The following LAMA2 variants were observed in gnomAD, a reference collection of about 807,000 sequenced individuals.
LAMA2 encodes the protein laminin subunit alpha 2.
Under a neutral mutation model 364.8 loss-of-function variants are expected in LAMA2, and 269 were observed. That is an observed-to-expected ratio of 0.74 (90% CI 0.67 to 0.82). The LOEUF (loss-of-function observed/expected upper bound fraction) is 0.82. Among genes scored for constraint, LAMA2 ranks in the 40% least tolerant of loss-of-function variants. The pLI is 0.00. For missense variants in LAMA2, 3,807 were observed against 3,873.2 expected, an observed-to-expected ratio of 0.98 and a Z score of 0.45; for synonymous variants, 1,379 against 1,370.6, an observed-to-expected ratio of 1.01 and a Z score of -0.14.
At chr6:129,151,107 GTTACTAGCCATA>G (rs891868861) in intron 7 of LAMA2, among the ~76,000 whole-genome samples, 1 of 152,168 alleles carries the variant, frequency 6.6e-6, no homozygotes, top group African/African-American at 2.4e-5. Context: ...TTTGTGATCA[GTTACTAGCCATA>G]TTCTTGAAGG....
chr6:129,157,682 C>A, intron 8 of LAMA2: 1 of 1,612,144 alleles, frequency 6.2e-7, no homozygotes, highest in South Asian at 1.1e-5. Flanking sequence ...ACACAATTGG[C>A]CGCAAACGTT....
chr6:128,916,452 T>C lies in LAMA2; in HGVS notation c.112+33095T>C, dbSNP rs1778321940. ...TTAAAATCACTGAGCTTCTGTTACA[T>C]GAATACCTGAGTATTATGTGGCTAC... On this transcript the variant is annotated intron_variant, in intron 1 of 64. Transcript: ENST00000421865. Among the ~76,000 whole-genome samples, 3 of 152,218 alleles carry C rather than the reference T, an allele frequency of 2.0e-5. No individual in the cohort carries two copies. In the South Asian group the frequency reaches 6.2e-4, roughly 31 times the overall value.
chr6:129,503,334 C>A, intron 60 of LAMA2, 54 bp downstream of exon 60: 1 of 1,500,922 alleles, frequency 6.7e-7, no homozygotes. Context: ...GAGTGGCAGC[C>A]ATCAGCATTC....
chr6:129,359,364 G>A (rs1198995485), intron 32 of LAMA2, among the ~76,000 whole-genome samples: 1 of 150,662 alleles, frequency 6.6e-6, no homozygotes, highest in Non-Finnish European at 1.5e-5. Flanking sequence ...TACTTGGTAT[G>A]TCGACAAATT....
intron 3 of LAMA2, among the ~76,000 whole-genome samples, chr6:129,079,219 G>A (rs1773866303): frequency 6.6e-6 from 1 of 151,934 alleles, no homozygotes; most frequent in South Asian, 2.1e-4. Flanking sequence ...AGAGAGAGAG[G>A]GAGAAGCTAC....
intron 42 of LAMA2, among the ~76,000 whole-genome samples, chr6:129,439,227 A>G (rs1241043798): frequency 6.6e-6 from 1 of 152,044 alleles, no homozygotes; most frequent in Non-Finnish European, 1.5e-5. Context: ...CTTACAGTGT[A>G]TTGTTTATGA....
At chr6:129,165,744 AG>A (rs757523958) in intron 9 of LAMA2, 69 bp downstream of exon 9, 82 of 943,292 alleles carry the variant, frequency 8.7e-5, no homozygotes, top group Non-Finnish European at 1.3e-4. Context: ...GATTATTTTC[AG>A]AAGAATATTT....
intron 2 of LAMA2, among the ~76,000 whole-genome samples, chr6:129,055,336 C>T (rs974826766): frequency 4.0e-5 from 6 of 151,790 alleles, no homozygotes; most frequent in African/African-American, 1.2e-4. Context: ...GGACTACACG[C>T]GTGTGCCACT....
chr6:129,128,797 A>G (rs372617930), intron 4 of LAMA2, among the ~76,000 whole-genome samples: 18 of 152,314 alleles, frequency 1.2e-4, no homozygotes, highest in Non-Finnish European at 2.4e-4. Flanking sequence ...AGTATATTTC[A>G]TAGATGGCAT....
intron 35 of LAMA2, among the ~76,000 whole-genome samples, chr6:129,389,599 T>G (rs1779207853): frequency 6.6e-6 from 1 of 152,184 alleles, no homozygotes; most frequent in Non-Finnish European, 1.5e-5. Flanking sequence ...CTGGGTAACT[T>G]ATGAAGAAAA....
intron 20 of LAMA2, chr6:129,292,983 C>T: frequency 2.0e-6 from 2 of 985,866 alleles, no homozygotes; most frequent in Non-Finnish European, 2.4e-6. Context: ...GCGGAGAGCG[C>T]AACGGGTGCT....
intron 1 of LAMA2, among the ~76,000 whole-genome samples, chr6:128,989,821 G>A (rs190568999): frequency 2.0e-5 from 3 of 152,328 alleles, no homozygotes. Context: ...AGGCTGGGAA[G>A]TCCAAGACCA....
chr6:128,995,101 A>G (rs2114668111), intron 1 of LAMA2, among the ~76,000 whole-genome samples: 1 of 152,316 alleles, frequency 6.6e-6, no homozygotes, highest in East Asian at 1.9e-4. Flanking sequence ...TCTATCTTTC[A>G]TGCTACTTTG....
intron 44 of LAMA2, among the ~76,000 whole-genome samples, chr6:129,443,505 CT>C (rs1782219210): frequency 6.6e-6 from 1 of 152,146 alleles, no homozygotes; most frequent in African/African-American, 2.4e-5. Flanking sequence ...CTAGATTATG[CT>C]GTTTCTGATA....
At chr6:129,228,764 C>T (rs1417917743) in intron 12 of LAMA2, among the ~76,000 whole-genome samples, 4 of 152,098 alleles carry the variant, frequency 2.6e-5, no homozygotes, top group African/African-American at 4.8e-5. Context: ...AAATAGATGA[C>T]GTTAATCTTT....
chr6:129,228,338 T>C (rs1253335846), intron 12 of LAMA2, among the ~76,000 whole-genome samples: 1 of 152,066 alleles, frequency 6.6e-6, no homozygotes, highest in African/African-American at 2.4e-5. Context: ...ACCACTGTCC[T>C]GCACCCACTG....
chr6:129,262,129 A>G (rs1051072481), intron 15 of LAMA2, among the ~76,000 whole-genome samples: 6 of 152,146 alleles, frequency 3.9e-5, no homozygotes, highest in African/African-American at 1.4e-4. Context: ...AAATTACTTG[A>G]ATATTACAAT....
intron 1 of LAMA2, among the ~76,000 whole-genome samples, chr6:128,933,494 T>A (rs1264911720): frequency 6.6e-6 from 1 of 152,200 alleles, no homozygotes; most frequent in East Asian, 1.9e-4. Context: ...TCTCTATGCT[T>A]AATGCTGTTT....
intron 40 of LAMA2, among the ~76,000 whole-genome samples, chr6:129,408,752 G>A (rs1009060393): frequency 6.6e-6 from 1 of 152,126 alleles, no homozygotes; most frequent in Non-Finnish European, 1.5e-5. Flanking sequence ...CCATGTTGCT[G>A]AGCCTATGCA....
Sources: allele counts gnomAD v4.1 joint callset (sites outside exome capture counted in the v4.1 genomes callset), GRCh38; gene constraint gnomAD v4.1.1; transcripts MANE v1.5; gene names NCBI Gene and HGNC (gene_info 2026-07-23, HGNC 2026-07-21).